SEMA5B: variants seen among roughly 807,000 people sequenced by gnomAD.
The protein encoded by SEMA5B is semaphorin 5B, also known as semaphorin-5B.
Under a neutral mutation model 135.0 loss-of-function variants are expected in SEMA5B, and 66 were observed. That is an observed-to-expected ratio of 0.49 (90% CI 0.40 to 0.60). The LOEUF is 0.60. SEMA5B is among the 20% of genes least tolerant of loss of function. SEMA5B has a pLI of 0.00. For synonymous variants in SEMA5B, 690 were observed against 639.5 expected (o/e 1.08, Z -1.19); for missense variants, 1,501 against 1,566.3 (o/e 0.96, Z 0.70).
At chr3:122,991,269 C>G (rs1941868898) in intron 1 of SEMA5B, among the ~76,000 whole-genome samples, 1 of 152,198 alleles carries the variant, frequency 6.6e-6, no homozygotes, top group Non-Finnish European at 1.5e-5. Context: ...CCTTTGCACT[C>G]TTAGTCCAGA....
chr3:122,986,163 C>A (rs929253275), intron 1 of SEMA5B, among the ~76,000 whole-genome samples: 2 of 152,188 alleles, frequency 1.3e-5, no homozygotes, highest in African/African-American at 2.4e-5. Context: ...TTGTCTTACT[C>A]TAAGTGTGTT....
At chr3:122,988,481 G>A (rs1004220566) in intron 1 of SEMA5B, among the ~76,000 whole-genome samples, 2 of 152,250 alleles carry the variant, frequency 1.3e-5, no homozygotes, top group African/African-American at 4.8e-5. Flanking sequence ...AACTGAGAAT[G>A]AAGCAACCAG....
At chr3:122,984,532 T>C (rs1307910204) in intron 1 of SEMA5B, among the ~76,000 whole-genome samples, 2 of 152,168 alleles carry the variant, frequency 1.3e-5, no homozygotes, top group African/African-American at 4.8e-5. Flanking sequence ...CCTCTGGGGC[T>C]CCTCTGCTCC....
At position 122,948,675 on chromosome 3, in the gene SEMA5B, A is replaced by T. The variant is rs1443100935; in HGVS notation, c.159T>A (p.Thr53=). 6.2e-7 allele frequency: 1 copy of T among 1,610,930 alleles called. No individual in the cohort carries two copies. The highest frequency in any genetic ancestry group is 8.5e-7 in the Non-Finnish European group (1 of 1,177,974). The change falls in exon 3 of 23, where the codon ACT becomes ACA. Residue 53 remains threonine (T), a synonymous_variant. Transcript: ENST00000357599. ...LLPCLPPGAR[T]AEGPIMVLAG... is the part of the protein sequence containing the mutation. ...CAAGCACCATGATAGGCCCCTCTGC[A>T]GTCCTAGCTCCGGGAGGCAGACAGG...
chr3:122,918,133 C>CTAA (rs921112583), intron 12 of SEMA5B, among the ~76,000 whole-genome samples: 7 of 152,174 alleles, frequency 4.6e-5, no homozygotes, highest in Non-Finnish European at 7.3e-5. Flanking sequence ...TAGCTAGTGA[C>CTAA]TAATAATAAT....
intron 4 of SEMA5B, 104 bp downstream of exon 4, chr3:122,943,332 C>A: frequency 1.3e-6 from 1 of 746,670 alleles, no homozygotes. Context: ...GAGGATGGGG[C>A]CCAGCACGCG....
chr3:122,966,560 A>ATTTTTTTTTTTTT (rs1307061116), intron 1 of SEMA5B, among the ~76,000 whole-genome samples: 8 of 137,614 alleles, frequency 5.8e-5, no homozygotes, highest in African/African-American at 1.7e-4. Context: ...TATTATTATT[A>ATTTTTTTTTTTTT]TTATTATTTT....
At position 122,910,005 on chromosome 3, in the gene SEMA5B, G is replaced by A. The variant is rs958547367; in HGVS notation, c.*138C>T. On this transcript the variant is annotated 3_prime_UTR_variant, in exon 23 of 23. Transcript: ENST00000357599. ...ATGCCAGCCAGAGCTCTCTGAAGCC[G>A]GATGGGACCCCCCACAGGCAAGGCA... The A allele has an allele frequency of 1.7e-5, 15 of 894,012 alleles. No individual in the cohort carries two copies. Among genetic ancestry groups the A allele is most frequent in the African/African-American group, 6.8e-5 (4 of 58,974 alleles). 55.4% of individuals were successfully genotyped at this position (894,012 alleles called of 1,614,324 possible). A position where few individuals can be genotyped will look rare whatever the true frequency, so the allele number is the denominator to read the frequency against.
chr3:122,956,962 G>A (rs1295302239), intron 2 of SEMA5B, among the ~76,000 whole-genome samples: 1 of 152,194 alleles, frequency 6.6e-6, no homozygotes, highest in Non-Finnish European at 1.5e-5. Flanking sequence ...CAGCCATCAG[G>A]GGCGAAGAGC....
intron 1 of SEMA5B, among the ~76,000 whole-genome samples, chr3:122,987,275 C>T (rs536234861): frequency 6.6e-6 from 1 of 152,240 alleles, no homozygotes; most frequent in African/African-American, 2.4e-5. Context: ...GTCTTGTCCC[C>T]CCCATAAGTG....
intron 2 of SEMA5B, among the ~76,000 whole-genome samples, chr3:122,950,142 A>G (rs1461493191): frequency 3.3e-5 from 5 of 152,256 alleles, no homozygotes; most frequent in Non-Finnish European, 7.3e-5. Flanking sequence ...CAAAGAATAT[A>G]CATACAAACA....
chr3:122,967,665 C>T (rs886204070), intron 1 of SEMA5B, among the ~76,000 whole-genome samples: 5 of 152,206 alleles, frequency 3.3e-5, no homozygotes, highest in Non-Finnish European at 5.9e-5. Flanking sequence ...CTCGTGGGAT[C>T]ATGAGATCGT....
chr3:122,918,461 C>T (rs560614040), intron 12 of SEMA5B, among the ~76,000 whole-genome samples: 1 of 152,218 alleles, frequency 6.6e-6, no homozygotes, highest in Non-Finnish European at 1.5e-5. Flanking sequence ...CCCCAGGTAA[C>T]TCTGCTGTGT....
chr3:122,966,554 A>ATTTTTTTTTT (rs1335935235), intron 1 of SEMA5B, among the ~76,000 whole-genome samples: 7 of 147,062 alleles, frequency 4.8e-5, no homozygotes, highest in African/African-American at 1.6e-4. Context: ...TATTATTATT[A>ATTTTTTTTTT]TTATTATTAT....
rs372179097 is a variant in SEMA5B, at chr3:122,943,462, G to T, written c.402C>A (p.Ser134=). The T allele has an allele frequency of 4.4e-6, 7 of 1,608,606 alleles. No homozygotes were observed. In the South Asian group the frequency reaches 7.8e-5, roughly 18 times the overall value. The part of the protein sequence containing the change: ...RDFSQLALDP[S]GNQLIVGARN... ...TGGCTCCCACGATGAGCTGGTTCCC[G>T]GAGGGGTCCAAAGCCAGCTGGGAGA... is the stretch of plus-strand genomic sequence containing the variant. The change falls in exon 4 of 23, where the codon TCC becomes TCA. Residue 134 remains serine (S), a synonymous_variant. Coordinates refer to ENST00000357599, the MANE Select transcript of SEMA5B (RefSeq NM_001031702.4).
chr3:122,981,055 T>C (rs1204406804), intron 1 of SEMA5B, among the ~76,000 whole-genome samples: 1 of 152,208 alleles, frequency 6.6e-6, no homozygotes, highest in African/African-American at 2.4e-5. Context: ...AGAATGGACA[T>C]AGTTACTGGA....
chr3:122,950,689 T>C (rs1285986452), intron 2 of SEMA5B, among the ~76,000 whole-genome samples: 1 of 152,232 alleles, frequency 6.6e-6, no homozygotes. Flanking sequence ...TGACAGATTG[T>C]AAATTGAAAA....
At chr3:122,926,730 T>C (rs560178254) in intron 8 of SEMA5B, 53 bp from the exon 9 acceptor site, 84 of 1,586,220 alleles carry the variant, frequency 5.3e-5, no homozygotes, top group Admixed American at 8.4e-5. Context: ...GGGAAGAAGA[T>C]GGCAGAGTCG....
In SEMA5B at chr3:122,915,501, G is replaced by C. The variant is rs139633639; in HGVS notation, c.1927C>G (p.Arg643Gly). The C allele has an allele frequency of 1.7e-5, 27 of 1,613,952 alleles. No homozygotes were observed. The highest frequency in any genetic ancestry group is 1.1e-4 in the East Asian group (5 of 44,874). Residue 643 changes from arginine to glycine, a missense_variant, in exon 14 of 23, where the codon CGA becomes GGA. Arg to Gly is a moderately radical substitution (Grantham distance 125, BLOSUM62 -2). Transcript: ENST00000357599. ...LCRARSCDSP[R>G]PRCGGLDCLG... ...CAGTCAAGGCCCCCACAGCGGGGTCGAGGGGAATCACAGGATCGAGCTCGA... is the reference window on the plus strand; with the variant it reads ...CAGTCAAGGCCCCCACAGCGGGGTCCAGGGGAATCACAGGATCGAGCTCGA...
Sources: allele counts gnomAD v4.1 joint callset (sites outside exome capture counted in the v4.1 genomes callset), GRCh38; gene constraint gnomAD v4.1.1; transcripts MANE v1.5; gene names NCBI Gene and HGNC (gene_info 2026-07-23, HGNC 2026-07-21).